Variants in FRAS1 observed in about 807,000 individuals in gnomAD.
The protein encoded by FRAS1 is Fraser extracellular matrix complex subunit 1.
In FRAS1, 290 loss-of-function variants were observed where a neutral mutation model predicts 435.2. That is an observed-to-expected ratio of 0.67 (90% CI 0.61 to 0.73). The LOEUF (loss-of-function observed/expected upper bound fraction) is 0.73. FRAS1 is among the 30% of genes least tolerant of loss of function. FRAS1 has a pLI of 0.00. For missense variants in FRAS1, 4,860 were observed against 5,001.5 expected (o/e 0.97, Z 0.85); for synonymous variants, 1,800 against 1,851.0 (o/e 0.97, Z 0.71).
chr4:78,142,726 T>C (rs1309125554), intron 2 of FRAS1, among the ~76,000 whole-genome samples: 1 of 152,078 alleles, frequency 6.6e-6, no homozygotes, highest in Non-Finnish European at 1.5e-5. Flanking sequence ...TAGTTCATAA[T>C]TTGGGAGGGG....
chr4:78,464,371 G>C lies in FRAS1; in HGVS notation c.6889-72G>C, dbSNP rs1719458561. 1.1e-5 allele frequency: 18 copies of C among 1,573,644 alleles called. No individual in the cohort carries two copies. The South Asian group carries it at 2.0e-4, about 18-fold the overall frequency. The stretch of plus-strand genomic sequence containing the variant: ...GCAATGTGTGAAAGAGAAAAGTAGA[G>C]AGCACCTACCTTGGACTTGTTGGGT... On this transcript the variant is annotated intron_variant, in intron 48 of 73. Coordinates refer to ENST00000512123, the MANE Select transcript of FRAS1 (RefSeq NM_025074.7).
chr4:78,430,429 C>A lies in FRAS1; in HGVS notation c.4969+12C>A, dbSNP rs1483379915. The A allele has an allele frequency of 6.2e-7, 1 of 1,608,388 alleles. No individual in the cohort carries two copies. The highest frequency in any genetic ancestry group is 1.1e-5 in the South Asian group (1 of 90,616). The stretch of plus-strand genomic sequence containing the variant: ...GCCGATGGCCACAGGTAGCTACACA[C>A]CTACACACTCTGTCACTGACCTGCT... On this transcript the variant is annotated intron_variant, in intron 37 of 73. Transcript: ENST00000512123.
At chr4:78,195,212 G>A (rs554944569) in intron 2 of FRAS1, among the ~76,000 whole-genome samples, 79 of 152,292 alleles carry the variant, frequency 5.2e-4, no homozygotes, top group African/African-American at 1.8e-3. Context: ...TAGGCTACTC[G>A]GGGGTCAGGG....
intron 2 of FRAS1, among the ~76,000 whole-genome samples, chr4:78,133,268 A>G (rs1719765536): frequency 6.6e-6 from 1 of 152,212 alleles, no homozygotes; most frequent in Non-Finnish European, 1.5e-5. Flanking sequence ...CTAGGCACAG[A>G]AAGACAAACA....
At chr4:78,509,068 T>C (rs1720947197) in intron 63 of FRAS1, 62 bp downstream of exon 63, 1 of 1,396,200 alleles carries the variant, frequency 7.2e-7, no homozygotes, top group Admixed American at 1.8e-5. Flanking sequence ...TTGTTCTTTG[T>C]TACTCAGATA....
chr4:78,305,023 A>C (rs1024810723), intron 14 of FRAS1, among the ~76,000 whole-genome samples: 22 of 152,204 alleles, frequency 1.4e-4, no homozygotes, highest in African/African-American at 5.1e-4. Flanking sequence ...CCCTCTACAC[A>C]CTGCTTTGAA....
chr4:78,259,067 T>C (rs1023570254), intron 6 of FRAS1, among the ~76,000 whole-genome samples: 2 of 117,694 alleles, frequency 1.7e-5, no homozygotes, highest in Non-Finnish European at 3.6e-5. Flanking sequence ...TAGTATTCCA[T>C]GGTGTATATG....
chr4:78,507,751 C>G (rs1368530235), intron 62 of FRAS1, 143 bp downstream of exon 62: 1 of 765,358 alleles, frequency 1.3e-6, no homozygotes, highest in Non-Finnish European at 2.0e-6. Flanking sequence ...ATCCCCTTTC[C>G]AGAGGACATT....
intron 59 of FRAS1, among the ~76,000 whole-genome samples, chr4:78,489,963 G>GAAAAA (rs1553891063): frequency 0.021 from 124 of 5,824 alleles, 1 homozygote; most frequent in South Asian, 0.04. Flanking sequence ...AAAGCTAGTG[G>GAAAAA]AAAACAAAAA....
intron 2 of FRAS1, among the ~76,000 whole-genome samples, chr4:78,094,881 T>C (rs1250855976): frequency 1.3e-5 from 2 of 152,036 alleles, no homozygotes; most frequent in African/African-American, 4.8e-5. Context: ...ATCTGTAAAA[T>C]GGGGGTAATA....
chr4:78,278,554 C>T (rs905507488), intron 9 of FRAS1, 101 bp from the exon 10 acceptor site: 28 of 693,984 alleles, frequency 4.0e-5, no homozygotes, highest in African/African-American at 2.3e-4. Context: ...AGTGTGCCAG[C>T]GTTTCTTATT....
chr4:78,373,897 C>G (rs1302596649), intron 24 of FRAS1, among the ~76,000 whole-genome samples: 4 of 152,266 alleles, frequency 2.6e-5, no homozygotes, highest in Admixed American at 6.5e-5. Flanking sequence ...GAGAAGAACA[C>G]AGGCTCAGTG....
At chr4:78,387,144 T>C (rs1436035158) in intron 28 of FRAS1, among the ~76,000 whole-genome samples, 2 of 152,166 alleles carry the variant, frequency 1.3e-5, no homozygotes, top group Non-Finnish European at 2.9e-5. Flanking sequence ...CTCTCAAGTC[T>C]TGAAGTAGCT....
chr4:78,454,125 G>A (rs1166501336), intron 47 of FRAS1, among the ~76,000 whole-genome samples: 6 of 151,332 alleles, frequency 4.0e-5, no homozygotes, highest in African/African-American at 1.5e-4. Context: ...TAAGATGACA[G>A]TTGAGCAGAC....
chr4:78,522,991 C>T (rs535295858), intron 69 of FRAS1, among the ~76,000 whole-genome samples, 183 bp downstream of exon 69: 1 of 152,286 alleles, frequency 6.6e-6, no homozygotes, highest in South Asian at 2.1e-4. Flanking sequence ...AGGAGGATCA[C>T]TTGAACTCAG....
Position 78,438,909 on chromosome 4 carries a change from G to A in FRAS1, c.5374G>A (p.Ala1792Thr), listed in dbSNP as rs150916370. ...CTTTTTGTTTTTTTATAGATACTCA[G>A]CTGTGTTTGAAACTGATGGTCATCT... The part of the protein sequence containing the change: ...DINNKKIRYS[A>T]VFETDGHLVT... Residue 1792 changes from alanine (A) to threonine (T), a missense_variant, in exon 40 of 74, where the codon GCT (alanine) becomes ACT (threonine). Ala to Thr is a moderately conservative substitution (Grantham distance 58, BLOSUM62 0). Coordinates refer to ENST00000512123, the MANE Select transcript of FRAS1 (RefSeq NM_025074.7). 3,545 of 1,606,272 alleles carry A rather than the reference G, an allele frequency of 2.2e-3. 4 individuals are homozygous for A. The highest frequency in any genetic ancestry group is 3.2e-3 in the Admixed American group (186 of 58,056).
At chr4:78,445,384 G>C in intron 41 of FRAS1, 138 bp from the exon 42 acceptor site, 3 of 1,161,830 alleles carry the variant, frequency 2.6e-6, no homozygotes, top group Non-Finnish European at 3.4e-6. Flanking sequence ...CTGGTCTTGT[G>C]CTTATCCCAC....
chr4:78,290,976 G>A (rs2110193900), intron 14 of FRAS1, among the ~76,000 whole-genome samples: 1 of 151,584 alleles, frequency 6.6e-6, no homozygotes, highest in African/African-American at 2.4e-5. Context: ...ATGTTGGCCA[G>A]GCTAGTCTCA....
chr4:78,325,364 T>G (rs1729675938), intron 18 of FRAS1, among the ~76,000 whole-genome samples: 2 of 152,238 alleles, frequency 1.3e-5, no homozygotes, highest in Admixed American at 1.3e-4. Flanking sequence ...TAGTTGTTGC[T>G]AAGACTCACC....
Sources: gnomAD v4.1 joint callset for allele counts (sites outside exome capture counted in the v4.1 genomes callset) on GRCh38, gnomAD v4.1.1 for gene constraint, MANE v1.5 for transcripts, NCBI Gene and HGNC (gene_info 2026-07-23, HGNC 2026-07-21) for gene names.